ITGA2: variants seen among roughly 807,000 people sequenced by gnomAD.
The protein encoded by ITGA2 is integrin alpha-2.
Under a neutral mutation model 146.3 loss-of-function variants are expected in ITGA2, and 101 were observed. The observed-to-expected ratio is 0.69, with a 90% confidence interval of 0.59 to 0.81. ITGA2 has a LOEUF of 0.81. Among genes scored for constraint, ITGA2 ranks in the 40% least tolerant of loss-of-function variants. ITGA2 has a pLI of 0.00. For missense variants in ITGA2, 1,281 were observed against 1,402.7 expected, an observed-to-expected ratio of 0.91 and a Z score of 1.39; for synonymous variants, 477 against 487.1, an observed-to-expected ratio of 0.98 and a Z score of 0.27.
intron 2 of ITGA2, among the ~76,000 whole-genome samples, chr5:53,038,207 T>TTAAA (rs575658745): frequency 6.9e-6 from 1 of 144,276 alleles, no homozygotes; most frequent in African/African-American, 2.6e-5. Flanking sequence ...GAGGCTCTGA[T>TTAAA]AAAAAAAAAA....
intron 24 of ITGA2, among the ~76,000 whole-genome samples, chr5:53,079,314 G>C (rs1226664898): frequency 6.6e-6 from 1 of 152,000 alleles, no homozygotes; most frequent in Non-Finnish European, 1.5e-5. Context: ...AAAAGTCTTT[G>C]GCATATAATT....
Position 53,090,789 on chromosome 5 carries a change from G to GA in ITGA2, c.*190_*191insA. The GA allele has an allele frequency of 2.6e-6, 1 of 378,944 alleles. No individual in the cohort carries two copies. Among genetic ancestry groups the GA allele is most frequent in the Non-Finnish European group, 5.0e-6 (1 of 201,144 alleles). The allele number at this position is 378,944 out of a possible 1,614,324, so 23.5% of individuals were successfully genotyped here. ...GTGGGGGGTGGGGGAGGTGCGGGGG[G>GA]CAGGTAGGGAAATAATAGGGAAAAT... On this transcript the variant is annotated 3_prime_UTR_variant, in exon 30 of 30. Transcript: ENST00000296585.
intron 1 of ITGA2, among the ~76,000 whole-genome samples, chr5:53,001,997 T>C (rs1741606437): frequency 6.6e-6 from 1 of 152,116 alleles, no homozygotes; most frequent in South Asian, 2.1e-4. Flanking sequence ...TAACAAAGTC[T>C]TTTATTGCCA....
rs1554017020 is a variant in ITGA2 at position 53,022,219 on chromosome 5, T to TTG, written c.65-4529_65-4528insTG. 9.8e-3 allele frequency among the ~76,000 whole-genome samples: 1,481 copies of TTG among 150,724 alleles called. 29 individuals carry two copies. Among genetic ancestry groups the TTG allele is most frequent in the African/African-American group, 0.034 (1,378 of 41,056 alleles). On this transcript the variant is annotated intron_variant, in intron 1 of 29. Transcript: ENST00000296585. The stretch of plus-strand genomic sequence containing the variant: ...CTGAGTTTCACTGCATTTTTTTTTT[T>TTG]GGGGGACAGGGTCTTACTTTGTTGC...
chr5:53,048,864 C>T, intron 6 of ITGA2, 94 bp downstream of exon 6: 2 of 1,377,164 alleles, frequency 1.5e-6, no homozygotes, highest in Non-Finnish European at 2.0e-6. Flanking sequence ...TTTGCCAAAT[C>T]CCCATTTTAA....
Position 53,048,760 on chromosome 5 carries a change from C to T in ITGA2, c.620C>T (p.Thr207Ile), listed in dbSNP as rs756058711. 2.5e-6 allele frequency: 4 copies of T among 1,613,822 alleles called. No individual in the cohort carries two copies. The highest frequency in any genetic ancestry group is 1.3e-5 in the African/African-American group (1 of 75,016). The part of the protein sequence containing the change: ...KFVQGLDIGP[T>I]KTQVGLIQYA... Reference sequence around the variant, plus strand: ...GTACAAGGCCTGGATATAGGCCCCACAAAGACACAGGTATGGCTAACAGAA... The same window carrying T: ...GTACAAGGCCTGGATATAGGCCCCATAAAGACACAGGTATGGCTAACAGAA... The change falls in exon 6 of 30, where the codon ACA (threonine) becomes ATA (isoleucine). Residue 207 changes from threonine to isoleucine, a missense_variant. Thr to Ile is a moderately conservative substitution (Grantham distance 89). This residue lies in a region of ITGA2 where 795 missense variants were observed against 841.7 expected (regional missense o/e 0.94). Transcript: ENST00000296585.
intron 6 of ITGA2, among the ~76,000 whole-genome samples, chr5:53,050,739 G>A (rs1744317038): frequency 6.6e-6 from 1 of 152,184 alleles, no homozygotes. Flanking sequence ...TCTAGGATTA[G>A]GGAATGCTCC....
chr5:53,040,389 CCGACTCTATA>C (rs1743728649), intron 2 of ITGA2, among the ~76,000 whole-genome samples: 1 of 152,116 alleles, frequency 6.6e-6, no homozygotes, highest in South Asian at 2.1e-4. Flanking sequence ...TTTCTTGGTA[CCGACTCTATA>C]AGATTCCTAA....
chr5:53,013,908 C>T (rs755104152), intron 1 of ITGA2, among the ~76,000 whole-genome samples: 3 of 151,790 alleles, frequency 2.0e-5, no homozygotes, highest in African/African-American at 7.3e-5. Flanking sequence ...TCAGCTTGGA[C>T]GTTATTGGTG....
At chr5:53,067,322 A>C (rs1448529265) in intron 16 of ITGA2, 65 bp downstream of exon 16, 2 of 1,586,554 alleles carry the variant, frequency 1.3e-6, no homozygotes, top group Admixed American at 1.7e-5. Context: ...TCCTGAATAT[A>C]ACATATTTTG....
chr5:53,064,047 G>C (rs185882338), intron 13 of ITGA2, among the ~76,000 whole-genome samples: 168 of 151,844 alleles, frequency 1.1e-3, no homozygotes, highest in Non-Finnish European at 1.8e-3. Flanking sequence ...TCATAAAATT[G>C]AAGAAAAAAA....
At chr5:53,010,778 C>T (rs953423600) in intron 1 of ITGA2, among the ~76,000 whole-genome samples, 1 of 152,076 alleles carries the variant, frequency 6.6e-6, no homozygotes, top group African/African-American at 2.4e-5. Flanking sequence ...AAAGATATGT[C>T]CATGTCTTAA....
In ITGA2 at chr5:53,092,549, C is replaced by T. The variant is rs917277361; in HGVS notation, c.*1950C>T. On this transcript the variant is annotated 3_prime_UTR_variant, in exon 30 of 30. Transcript: ENST00000296585. The stretch of plus-strand genomic sequence containing the variant: ...TATAGAAAAAACAGCATGGTATTCT[C>T]CAGTTAGGTATGCCAGAGTCCAATT... 9.2e-5 allele frequency: 14 copies of T among 152,002 alleles called. No homozygotes were observed. The highest frequency in any genetic ancestry group is 3.1e-4 in the African/African-American group (13 of 41,480). The allele number at this position is 152,002 out of a possible 1,614,324, so 9.4% of individuals were successfully genotyped here.
rs952171187 is a variant in ITGA2 at position 52,991,532 on chromosome 5, T to C, written c.64+2000T>C. Among the ~76,000 whole-genome samples, 3 of 152,172 alleles carry C rather than the reference T, an allele frequency of 2.0e-5. No individual in the cohort carries two copies. In the South Asian group the frequency reaches 6.2e-4, roughly 32 times the overall value. Reference sequence around the variant, plus strand: ...ATGTGACAGAGCTTCATTATGATGATCTTAAATTAAGAGAAAACCTGTTCC... The same window carrying C: ...ATGTGACAGAGCTTCATTATGATGACCTTAAATTAAGAGAAAACCTGTTCC... On this transcript the variant is annotated intron_variant, in intron 1 of 29. Coordinates refer to ENST00000296585, the MANE Select transcript of ITGA2 (RefSeq NM_002203.4).
intron 6 of ITGA2, 145 bp from the exon 7 acceptor site, chr5:53,051,266 G>A: frequency 2.6e-6 from 2 of 774,938 alleles, no homozygotes; most frequent in South Asian, 3.3e-5. Flanking sequence ...TGAAAGAAAA[G>A]TAACTATCAA....
rs186462777 is a variant in ITGA2, at chr5:53,016,151, C to T, written c.65-10597C>T. On this transcript the variant is annotated intron_variant, in intron 1 of 29. Transcript: ENST00000296585. ...TCAAGTTAGCTGATTGTTATACAGA[C>T]TTGATTGTGTAGTTGCTTTATAGTG... is the stretch of plus-strand genomic sequence containing the variant. Among the ~76,000 whole-genome samples, 3 of 152,256 alleles carry T rather than the reference C, an allele frequency of 2.0e-5. No homozygotes were observed. In the East Asian group the frequency reaches 5.8e-4, roughly 29 times the overall value.
intron 10 of ITGA2, among the ~76,000 whole-genome samples, chr5:53,058,576 T>TATTCCCAA (rs1299985717): frequency 6.6e-6 from 1 of 151,802 alleles, no homozygotes; most frequent in African/African-American, 2.4e-5. Context: ...TACAACACTG[T>TATTCCCAA]CTTTTCAGCT....
intron 2 of ITGA2, among the ~76,000 whole-genome samples, chr5:53,029,578 A>G (rs1743127290): frequency 6.6e-6 from 1 of 152,134 alleles, no homozygotes; most frequent in Non-Finnish European, 1.5e-5. Context: ...AACCCTATCT[A>G]TATAGCACTC....
At position 53,058,108 on chromosome 5, in the gene ITGA2, A is replaced by T. The variant is rs1484589449; in HGVS notation, c.1173+7A>T. ...AGATTACTCTTCTCAAAATGTGCGT[A>T]TATCAGATAGCTTCAAGCCATGTTG... On this transcript the variant is annotated splice_region_variant and intron_variant, in intron 10 of 29. Coordinates refer to ENST00000296585, the MANE Select transcript of ITGA2 (RefSeq NM_002203.4). The T allele has an allele frequency of 4.4e-6, 7 of 1,598,518 alleles. No homozygotes were observed. The highest frequency in any genetic ancestry group is 6.0e-6 in the Non-Finnish European group (7 of 1,166,712).
Sources: allele counts gnomAD v4.1 joint callset (sites outside exome capture counted in the v4.1 genomes callset), GRCh38; gene constraint gnomAD v4.1.1; regional missense constraint gnomAD v4.1.1; transcripts MANE v1.5; gene names NCBI Gene and HGNC (gene_info 2026-07-23, HGNC 2026-07-21).